Variants in CDKAL1 observed in about 807,000 individuals in gnomAD.
The protein encoded by CDKAL1 is CDKAL1 threonylcarbamoyladenosine tRNA methylthiotransferase, also known as threonylcarbamoyladenosine tRNA methylthiotransferase.
A neutral mutation model predicts 68.2 loss-of-function variants in CDKAL1; 32 were observed. The observed-to-expected ratio is 0.47, with a 90% CI of 0.35 to 0.63. The LOEUF (loss-of-function observed/expected upper bound fraction) is 0.63. CDKAL1 is among the 30% of genes least tolerant of loss of function. The probability of loss-of-function intolerance (pLI) is 0.00; values close to 1 mark genes in which losing one functional copy is unlikely to be tolerated. For missense variants in CDKAL1, 606 were observed against 696.7 expected, an observed-to-expected ratio of 0.87 and a Z score of 1.47; for synonymous variants, 234 against 244.3, an observed-to-expected ratio of 0.96 and a Z score of 0.39.
At position 21,143,450 on chromosome 6, in the gene CDKAL1, G is replaced by A. The variant is rs1159252052; in HGVS notation, c.1299+34987G>A. ...CAAAAGTTCCTTTGTTAATTTTTCT[G>A]TTGAAGAAAAATGAGGGTGACTAGC... is the stretch of plus-strand genomic sequence containing the variant. On this transcript the variant is annotated intron_variant, in intron 13 of 15. Coordinates refer to ENST00000274695, the MANE Select transcript of CDKAL1 (RefSeq NM_017774.3). 5.3e-5 allele frequency among the ~76,000 whole-genome samples: 8 copies of A among 152,128 alleles called. No individual in the cohort carries two copies. The East Asian group carries it at 9.6e-4, about 18-fold the overall frequency.
chr6:20,817,457 G>GT (rs1295844775), intron 8 of CDKAL1, among the ~76,000 whole-genome samples: 1 of 152,052 alleles, frequency 6.6e-6, no homozygotes, highest in East Asian at 1.9e-4. Flanking sequence ...TAGATTTTAT[G>GT]TTTTTTTCTA....
chr6:21,002,456 G>A (rs1767477888), intron 11 of CDKAL1, among the ~76,000 whole-genome samples: 1 of 152,108 alleles, frequency 6.6e-6, no homozygotes, highest in African/African-American at 2.4e-5. Context: ...TGTAGAGTAT[G>A]AGTCTAGTCA....
intron 5 of CDKAL1, among the ~76,000 whole-genome samples, chr6:20,698,101 A>G (rs180731117): frequency 6.3e-4 from 96 of 152,252 alleles, no homozygotes; most frequent in Admixed American, 9.8e-4. Context: ...TGATGTTCCA[A>G]TGTATTCACA....
chr6:21,077,577 G>A (rs915311350), intron 12 of CDKAL1, among the ~76,000 whole-genome samples: 3 of 152,230 alleles, frequency 2.0e-5, no homozygotes, highest in Admixed American at 2.0e-4. Context: ...AGAAGGCAAA[G>A]GGGAAGCAGG....
intron 9 of CDKAL1, among the ~76,000 whole-genome samples, chr6:20,883,211 T>A (rs1007641330): frequency 6.6e-6 from 1 of 152,194 alleles, no homozygotes; most frequent in African/African-American, 2.4e-5. Context: ...AAACTCAACT[T>A]TCAGTAGGTG....
intron 15 of CDKAL1, among the ~76,000 whole-genome samples, chr6:21,225,139 T>G (rs1234074997): frequency 6.6e-6 from 1 of 152,110 alleles, no homozygotes; most frequent in Admixed American, 6.5e-5. Flanking sequence ...TGCTCACCAC[T>G]GTTGACACGC....
intron 6 of CDKAL1, among the ~76,000 whole-genome samples, chr6:20,754,656 A>C (rs1319103345): frequency 6.6e-6 from 1 of 152,084 alleles, no homozygotes; most frequent in Non-Finnish European, 1.5e-5. Flanking sequence ...TCTTTTTATT[A>C]TTGAGTTGTA....
At chr6:21,133,940 C>T (rs1281626112) in intron 13 of CDKAL1, among the ~76,000 whole-genome samples, 2 of 152,116 alleles carry the variant, frequency 1.3e-5, no homozygotes, top group Non-Finnish European at 2.9e-5. Flanking sequence ...CTCATATTTA[C>T]TTTATATATA....
At chr6:20,929,612 A>G (rs1763336044) in intron 9 of CDKAL1, among the ~76,000 whole-genome samples, 1 of 152,160 alleles carries the variant, frequency 6.6e-6, no homozygotes, top group African/African-American at 2.4e-5. Context: ...AAGTGTCAAA[A>G]TAGATTTTGT....
chr6:20,959,152 G>A (rs76073283), intron 10 of CDKAL1, among the ~76,000 whole-genome samples: 2,783 of 152,262 alleles, frequency 0.018, 85 homozygotes, highest in African/African-American at 0.063. Flanking sequence ...GGAAGGGAAG[G>A]AGAACTCTTT....
At chr6:21,058,592 A>G (rs2206014) in intron 11 of CDKAL1, among the ~76,000 whole-genome samples, 28,989 of 152,182 alleles carry the variant, frequency 0.19, 2,874 homozygotes, top group Middle Eastern at 0.24. Context: ...TTGTTTATGT[A>G]GTTGCTTCAT....
chr6:20,712,399 T>TATA (rs1461946727), intron 5 of CDKAL1, among the ~76,000 whole-genome samples: 1 of 151,936 alleles, frequency 6.6e-6, no homozygotes, highest in Non-Finnish European at 1.5e-5. Flanking sequence ...CTTCTGTATC[T>TATA]ATAAGAGCAC....
At chr6:20,842,944 C>T (rs1461191092) in intron 8 of CDKAL1, among the ~76,000 whole-genome samples, 1 of 152,116 alleles carries the variant, frequency 6.6e-6, no homozygotes, top group East Asian at 1.9e-4. Flanking sequence ...TTCTTAGTTG[C>T]TTATTTTGAG....
At chr6:21,040,213 A>C (rs1769843016) in intron 11 of CDKAL1, among the ~76,000 whole-genome samples, 1 of 152,210 alleles carries the variant, frequency 6.6e-6, no homozygotes. Flanking sequence ...TTCTCATAAT[A>C]CGATGGAGTT....
At chr6:21,019,477 T>C (rs1768516406) in intron 11 of CDKAL1, among the ~76,000 whole-genome samples, 1 of 152,184 alleles carries the variant, frequency 6.6e-6, no homozygotes, top group African/African-American at 2.4e-5. Context: ...GTGCTGTGTA[T>C]AGAATTAGAC....
At chr6:20,616,062 C>G (rs1432663357) in intron 4 of CDKAL1, among the ~76,000 whole-genome samples, 4 of 147,844 alleles carry the variant, frequency 2.7e-5, no homozygotes, top group South Asian at 4.4e-4. Context: ...GCTTGTTTTT[C>G]TCAGGTTTGT....
chr6:21,059,462 T>C (rs1170788640), intron 11 of CDKAL1, among the ~76,000 whole-genome samples: 1 of 152,210 alleles, frequency 6.6e-6, no homozygotes, highest in East Asian at 1.9e-4. Flanking sequence ...TACTGATCCA[T>C]GGGTTGCACA....
rs1410601512 is a variant in CDKAL1 at position 21,130,566 on chromosome 6, A to T, written c.1299+22103A>T. ...ATAAACCCCTGATTTGCTCAATTAAATGTGAATTTCCAGGTTAGTTGACTT... is the reference window on the plus strand; with the variant it reads ...ATAAACCCCTGATTTGCTCAATTAATTGTGAATTTCCAGGTTAGTTGACTT... On this transcript the variant is annotated intron_variant, in intron 13 of 15. Transcript: ENST00000274695. Among the ~76,000 whole-genome samples the T allele has an allele frequency of 2.0e-5, 3 of 152,164 alleles. No individual in the cohort carries two copies. In the East Asian group the frequency reaches 5.8e-4, roughly 29 times the overall value.
At chr6:21,069,804 T>TAAA (rs1554169910) in intron 12 of CDKAL1, among the ~76,000 whole-genome samples, 2,825 of 85,410 alleles carry the variant, frequency 0.033, 217 homozygotes, top group South Asian at 0.12. Context: ...TTTTTTTTTT[T>TAAA]AAAACAGAGC....
Sources: allele counts gnomAD v4.1 joint callset (sites outside exome capture counted in the v4.1 genomes callset), GRCh38; gene constraint gnomAD v4.1.1; transcripts MANE v1.5; gene names NCBI Gene and HGNC (gene_info 2026-07-23, HGNC 2026-07-21).